The following CADPS variants were observed in gnomAD, a reference collection of about 807,000 sequenced individuals.
The protein encoded by CADPS is calcium dependent secretion activator, also known as calcium-dependent secretion activator 1.
In CADPS, 57 loss-of-function variants were observed where a neutral mutation model predicts 167.3. The observed-to-expected ratio is 0.34, with a 90% CI of 0.28 to 0.42. The LOEUF (loss-of-function observed/expected upper bound fraction) is 0.42. Among genes scored for constraint, CADPS ranks in the 20% least tolerant of loss-of-function variants. The pLI, the probability that CADPS is intolerant of heterozygous loss-of-function variation, is 1.00. For missense variants in CADPS, 1,414 were observed against 1,738.1 expected, an observed-to-expected ratio of 0.81 and a Z score of 3.32; for synonymous variants, 676 against 635.3, an observed-to-expected ratio of 1.06 and a Z score of -0.96.
intron 3 of CADPS, among the ~76,000 whole-genome samples, chr3:62,703,150 A>G (rs1227143610): frequency 6.6e-6 from 1 of 152,170 alleles, no homozygotes; most frequent in African/African-American, 2.4e-5. Context: ...TGGAACTAGA[A>G]TTATTTACAA....
chr3:62,473,549 C>A lies in CADPS; in HGVS notation c.3477+624G>T, dbSNP rs567074419. ...AAAAATGATCATGATAGTCTTTAAT[C>A]AAGCCCAAGTTGCTGTTTCCTTCTC... On this transcript the variant is annotated intron_variant, in intron 24 of 29. Transcript: ENST00000383710. Among the ~76,000 whole-genome samples the A allele has an allele frequency of 7.2e-5, 11 of 152,316 alleles. No homozygotes were observed. In the South Asian group the frequency reaches 2.3e-3, roughly 32 times the overall value.
intron 3 of CADPS, among the ~76,000 whole-genome samples, chr3:62,738,735 A>G (rs1323807587): frequency 1.3e-5 from 2 of 152,178 alleles, no homozygotes; most frequent in African/African-American, 2.4e-5. Flanking sequence ...TCAAAAAATA[A>G]AATAAAATAA....
In CADPS at chr3:62,624,541, A is replaced by C. The variant is rs191156389; in HGVS notation, c.1325+21181T>G. 2.2e-3 allele frequency among the ~76,000 whole-genome samples: 331 copies of C among 149,866 alleles called. 2 individuals are homozygous for C. The highest frequency in any genetic ancestry group is 7.6e-3 in the African/African-American group (313 of 41,248). On this transcript the variant is annotated intron_variant, in intron 6 of 29. Transcript: ENST00000383710. Reference sequence around the variant, plus strand: ...CAAAATGTCTCCAGTCTCTTAAAGAATCACTGGAAAAAAAAAAATCTCTGG... The same window carrying C: ...CAAAATGTCTCCAGTCTCTTAAAGACTCACTGGAAAAAAAAAAATCTCTGG...
In CADPS at chr3:62,874,781, G is replaced by A. The variant is rs1478007676; in HGVS notation, c.249C>T (p.Arg83=). Residue 83 remains arginine, a synonymous_variant, in exon 1 of 30, where the codon CGC becomes CGT. Transcript: ENST00000383710. The surrounding 1 kb of genome is among the most constrained non-coding windows in gnomAD (Gnocchi z 7.1). Reference sequence around the variant, plus strand: ...GGCTGGAGGGCCGGCCGCCGCCAGCGCGGCTGCTGGGTTGCAGCCCCCCGG... The same window carrying A: ...GGCTGGAGGGCCGGCCGCCGCCAGCACGGCTGCTGGGTTGCAGCCCCCCGG... ...GGAGGLQPSS[R]AGGGRPSSPS... 1 of 1,418,206 alleles carries A rather than the reference G, an allele frequency of 7.1e-7. No homozygotes were observed. The highest frequency in any genetic ancestry group is 2.1e-4 in the Middle Eastern group (1 of 4,688). 87.9% of individuals were successfully genotyped at this position (1,418,206 alleles called of 1,614,324 possible).
intron 12 of CADPS, among the ~76,000 whole-genome samples, chr3:62,535,812 A>G (rs888920977): frequency 1.3e-5 from 2 of 152,148 alleles, no homozygotes; most frequent in African/African-American, 4.8e-5. Flanking sequence ...AATCATTTAA[A>G]TCTAGCTTTA....
At position 62,648,691 on chromosome 3, in the gene CADPS, C is replaced by CAAAAAAAAAA. The variant is rs55665003; in HGVS notation, c.1203+2146_1203+2155dup. On this transcript the variant is annotated intron_variant, in intron 5 of 29. Transcript: ENST00000383710. Reference sequence around the variant, plus strand: ...TGGGCAACAGAGTGAGACGTTGTGTCAAAAAAAAAAAAAAGAGGAAAGAAA... The same window carrying CAAAAAAAAAA: ...TGGGCAACAGAGTGAGACGTTGTGTCAAAAAAAAAAAAAAAAAAAAAAAAGAGGAAAGAAA... Among the ~76,000 whole-genome samples the CAAAAAAAAAA allele has an allele frequency of 3.2e-3, 172 of 54,532 alleles. 32 individuals carry two copies. The highest frequency in any genetic ancestry group is 0.038 in the Middle Eastern group (2 of 52). The allele number at this position is 54,532 out of a possible 152,430, so 35.8% of individuals were successfully genotyped here. A position where few individuals can be genotyped will look rare whatever the true frequency, so the allele number is the denominator to read the frequency against.
At chr3:62,844,743 G>A (rs540615635) in intron 1 of CADPS, among the ~76,000 whole-genome samples, 1 of 152,266 alleles carries the variant, frequency 6.6e-6, no homozygotes, top group Non-Finnish European at 1.5e-5. Context: ...TTAGTATAAT[G>A]TGTAAACTAG....
chr3:62,695,339 T>C (rs778100009), intron 3 of CADPS, among the ~76,000 whole-genome samples: 4 of 152,106 alleles, frequency 2.6e-5, no homozygotes, highest in Non-Finnish European at 4.4e-5. Context: ...ATATATTTAT[T>C]TGACATATTT....
intron 1 of CADPS, among the ~76,000 whole-genome samples, chr3:62,842,742 G>A (rs747373757): frequency 6.6e-6 from 1 of 152,084 alleles, no homozygotes; most frequent in Admixed American, 6.6e-5. Flanking sequence ...GCCAGAATCC[G>A]GGCTTTATGA....
intron 6 of CADPS, among the ~76,000 whole-genome samples, chr3:62,593,492 T>C (rs2148837567): frequency 6.6e-6 from 1 of 152,298 alleles, no homozygotes; most frequent in African/African-American, 2.4e-5. Flanking sequence ...TTCATCTCTA[T>C]CCATTCTGTG....
chr3:62,786,239 A>G (rs1052702167), intron 1 of CADPS, among the ~76,000 whole-genome samples: 11 of 152,054 alleles, frequency 7.2e-5, no homozygotes, highest in Admixed American at 5.2e-4. Context: ...AATAAAAATA[A>G]AGTTATTTTC....
chr3:62,660,465 A>G (rs1317640305), intron 4 of CADPS, among the ~76,000 whole-genome samples: 1 of 152,206 alleles, frequency 6.6e-6, no homozygotes, highest in Non-Finnish European at 1.5e-5. Flanking sequence ...AGCGCATACT[A>G]TTTTTAGCCA....
chr3:62,807,015 A>T (rs573048620), intron 1 of CADPS, among the ~76,000 whole-genome samples: 1 of 152,334 alleles, frequency 6.6e-6, no homozygotes, highest in Admixed American at 6.5e-5. Flanking sequence ...GATGACTTCA[A>T]TGAGTCTTTA....
At chr3:62,671,063 C>T (rs1448426002) in intron 3 of CADPS, among the ~76,000 whole-genome samples, 1 of 152,200 alleles carries the variant, frequency 6.6e-6, no homozygotes. Context: ...GGACAATCTA[C>T]TAAGCTGCCT....
intron 29 of CADPS, among the ~76,000 whole-genome samples, chr3:62,401,397 A>G (rs934630680): frequency 1.6e-4 from 25 of 152,244 alleles, no homozygotes; most frequent in African/African-American, 5.8e-4. Context: ...CAGAGACCAC[A>G]TCTAGTCATT....
intron 1 of CADPS, among the ~76,000 whole-genome samples, chr3:62,850,768 G>A (rs1411908349): frequency 1.3e-5 from 2 of 150,856 alleles, no homozygotes; most frequent in Non-Finnish European, 1.5e-5. Flanking sequence ...GGGGTGGAGA[G>A]TTCTGTAGAT....
intron 3 of CADPS, among the ~76,000 whole-genome samples, chr3:62,710,300 T>A (rs2083151010): frequency 2.0e-5 from 3 of 151,964 alleles, no homozygotes; most frequent in Non-Finnish European, 4.4e-5. Context: ...CAGGTGTTTT[T>A]AAACAAATAC....
chr3:62,556,646 T>G (rs1171905857), intron 10 of CADPS, among the ~76,000 whole-genome samples: 1 of 152,118 alleles, frequency 6.6e-6, no homozygotes, highest in Non-Finnish European at 1.5e-5. Context: ...CCCCTCCCAT[T>G]TTGAAGGTTC....
At chr3:62,445,702 A>G in intron 27 of CADPS, 63 bp downstream of exon 27, 3 of 1,261,174 alleles carry the variant, frequency 2.4e-6, no homozygotes, top group Non-Finnish European at 3.3e-6. Flanking sequence ...TGAAAACAAA[A>G]AGTAAAAATG....
Sources: allele counts gnomAD v4.1 joint callset (sites outside exome capture counted in the v4.1 genomes callset), GRCh38; gene constraint gnomAD v4.1.1; non-coding constraint Gnocchi (gnomAD v3.1); transcripts MANE v1.5; gene names NCBI Gene and HGNC (gene_info 2026-07-23, HGNC 2026-07-21).